Variants in PCCA observed in about 807,000 individuals in gnomAD.
PCCA encodes the protein propionyl-CoA carboxylase alpha chain, mitochondrial.
Under a neutral mutation model 101.3 loss-of-function variants are expected in PCCA, and 74 were observed. The ratio of observed to expected loss-of-function variants is 0.73; its 90% CI spans 0.61 to 0.89. PCCA has a LOEUF of 0.89. PCCA is among the 40% of genes least tolerant of loss of function. The pLI, the probability that PCCA is intolerant of heterozygous loss-of-function variation, is 0.00. For missense variants in PCCA, 891 were observed against 907.0 expected, an observed-to-expected ratio of 0.98 and a Z score of 0.23; for synonymous variants, 294 against 313.6, an observed-to-expected ratio of 0.94 and a Z score of 0.66.
intron 19 of PCCA, among the ~76,000 whole-genome samples, chr13:100,385,355 G>A (rs893291902): frequency 6.6e-6 from 1 of 152,142 alleles, no homozygotes; most frequent in East Asian, 1.9e-4. Context: ...AAAAACCAGA[G>A]AGAAAATTTG....
chr13:100,164,142 T>C (rs913864066), intron 6 of PCCA, among the ~76,000 whole-genome samples: 3 of 152,232 alleles, frequency 2.0e-5, no homozygotes, highest in African/African-American at 7.2e-5. Flanking sequence ...TTTAAATTGA[T>C]CTGTCAAATT....
At chr13:100,190,413 T>C (rs964071611) in intron 6 of PCCA, among the ~76,000 whole-genome samples, 2 of 152,242 alleles carry the variant, frequency 1.3e-5, no homozygotes, top group Non-Finnish European at 2.9e-5. Flanking sequence ...CTGGGCGTGG[T>C]GGCTCACGCA....
At chr13:100,216,456 G>A (rs1018689394) in intron 7 of PCCA, among the ~76,000 whole-genome samples, 3 of 152,232 alleles carry the variant, frequency 2.0e-5, no homozygotes, top group South Asian at 4.1e-4. Context: ...TACACGGAGC[G>A]TAAGCTTCTG....
chr13:100,432,341 A>C (rs941372227), intron 20 of PCCA, among the ~76,000 whole-genome samples: 2 of 152,056 alleles, frequency 1.3e-5, no homozygotes, highest in Non-Finnish European at 2.9e-5. Context: ...GCTTAATACG[A>C]TCCTCAGTAT....
chr13:100,245,192 TA>T (rs908877943), intron 8 of PCCA, among the ~76,000 whole-genome samples: 2 of 152,124 alleles, frequency 1.3e-5, no homozygotes, highest in Non-Finnish European at 2.9e-5. Flanking sequence ...TATGATCAAA[TA>T]AAAAATGAGT....
rs544654431 is a variant in PCCA at position 100,438,837 on chromosome 13, G to A, written c.1846-10415G>A. ...GCTTTGCATTTATGGCCCTTTCACA[G>A]AATAATACCCCAAATGTTGTCATTT... On this transcript the variant is annotated intron_variant, in intron 20 of 23. Transcript: ENST00000376285. 1.1e-4 allele frequency among the ~76,000 whole-genome samples: 17 copies of A among 152,128 alleles called. No individual in the cohort carries two copies. In the South Asian group the frequency reaches 3.5e-3, roughly 32 times the overall value.
Position 100,351,118 on chromosome 13 carries a change from C to T in PCCA, c.1643+10859C>T, listed in dbSNP as rs76525584. 8.4e-3 allele frequency among the ~76,000 whole-genome samples: 1,271 copies of T among 152,210 alleles called. 20 individuals are homozygous for T. Among genetic ancestry groups the T allele is most frequent in the African/African-American group, 0.029 (1,201 of 41,532 alleles). On this transcript the variant is annotated intron_variant, in intron 18 of 23. Coordinates refer to ENST00000376285, the MANE Select transcript of PCCA (RefSeq NM_000282.4). ...GATATGTTTTATAGGGTAATGAAAT[C>T]CTTGATTTTTGAATTGAAACTAAAT...
chr13:100,171,390 A>T (rs543479858), intron 6 of PCCA, among the ~76,000 whole-genome samples: 12 of 152,162 alleles, frequency 7.9e-5, no homozygotes, highest in Non-Finnish European at 1.5e-4. Context: ...GCCTCTTGAG[A>T]TAGGGTGATG....
intron 8 of PCCA, among the ~76,000 whole-genome samples, chr13:100,257,015 G>A (rs748570652): frequency 2.0e-5 from 3 of 152,114 alleles, no homozygotes; most frequent in Non-Finnish European, 4.4e-5. Context: ...CGGAACAGTG[G>A]AATAGCTTCT....
At chr13:100,205,538 CTTT>C (rs3034652) in intron 6 of PCCA, among the ~76,000 whole-genome samples, 2 of 112,132 alleles carry the variant, frequency 1.8e-5, no homozygotes, top group African/African-American at 7.1e-5. Flanking sequence ...TTGATATAAG[CTTT>C]TTTTTTTTTT....
At chr13:100,321,974 A>T (rs974155644) in intron 16 of PCCA, among the ~76,000 whole-genome samples, 47 of 152,182 alleles carry the variant, frequency 3.1e-4, no homozygotes, top group Non-Finnish European at 7.3e-5. Flanking sequence ...ATGGAAAGTC[A>T]TATTGAAAAG....
intron 7 of PCCA, among the ~76,000 whole-genome samples, chr13:100,213,630 A>T (rs925336844): frequency 1.3e-5 from 2 of 152,134 alleles, no homozygotes; most frequent in African/African-American, 4.8e-5. Flanking sequence ...TATTCTGGTT[A>T]TTAATCTCTT....
intron 8 of PCCA, among the ~76,000 whole-genome samples, chr13:100,249,206 C>G (rs2061619523): frequency 6.6e-6 from 1 of 152,104 alleles, no homozygotes; most frequent in Non-Finnish European, 1.5e-5. Context: ...TCTATTTTTT[C>G]TCTAGAAATT....
intron 6 of PCCA, among the ~76,000 whole-genome samples, chr13:100,167,910 G>T (rs924867905): frequency 2.6e-5 from 4 of 152,032 alleles, no homozygotes; most frequent in Non-Finnish European, 5.9e-5. Flanking sequence ...GGGATTATAG[G>T]CGCCCACCAC....
At chr13:100,385,596 T>C (rs1245948688) in intron 19 of PCCA, among the ~76,000 whole-genome samples, 1 of 152,114 alleles carries the variant, frequency 6.6e-6, no homozygotes, top group Non-Finnish European at 1.5e-5. Context: ...AAATGAAAAA[T>C]GTGTTAATTC....
At chr13:100,102,505 A>G (rs941240697) in intron 1 of PCCA, among the ~76,000 whole-genome samples, 5 of 152,216 alleles carry the variant, frequency 3.3e-5, no homozygotes, top group African/African-American at 9.6e-5. Flanking sequence ...TGTTCTGGCC[A>G]CTGTTAAATT....
chr13:100,188,765 G>C (rs1361116946), intron 6 of PCCA, among the ~76,000 whole-genome samples: 1 of 152,124 alleles, frequency 6.6e-6, no homozygotes, highest in Non-Finnish European at 1.5e-5. Flanking sequence ...CAGGAGTAAG[G>C]TGGTATCTAT....
intron 19 of PCCA, among the ~76,000 whole-genome samples, chr13:100,408,661 C>G (rs536596853): frequency 3.1e-4 from 47 of 152,286 alleles, no homozygotes; most frequent in African/African-American, 1.1e-3. Flanking sequence ...GGCTCATCCC[C>G]TAAGGCAGGA....
intron 4 of PCCA, among the ~76,000 whole-genome samples, chr13:100,126,255 G>C (rs1338916017): frequency 1.3e-5 from 2 of 151,962 alleles, no homozygotes; most frequent in Non-Finnish European, 2.9e-5. Context: ...TGTGTCAACT[G>C]TGCTGTGATT....
Sources: gnomAD v4.1 joint callset for allele counts (sites outside exome capture counted in the v4.1 genomes callset) on GRCh38, gnomAD v4.1.1 for gene constraint, MANE v1.5 for transcripts, NCBI Gene and HGNC (gene_info 2026-07-23, HGNC 2026-07-21) for gene names.